The following NAALADL2 variants were observed in gnomAD, a reference collection of about 807,000 sequenced individuals.
NAALADL2 encodes the protein inactive N-acetylated-alpha-linked acidic dipeptidase-like protein 2.
In NAALADL2, 76 loss-of-function variants were observed where a neutral mutation model predicts 87.2. The observed-to-expected ratio is 0.87, with a 90% CI of 0.72 to 1.05. The LOEUF is 1.05. NAALADL2 is among the 50% of genes least tolerant of loss of function. The pLI, the probability that NAALADL2 is intolerant of heterozygous loss-of-function variation, is 0.00. For synonymous variants in NAALADL2, 354 were observed against 331.0 expected (o/e 1.07, Z -0.75); for missense variants, 1,089 against 945.8 (o/e 1.15, Z -1.99).
At chr3:174,663,541 G>A (rs1341399270) in intron 2 of NAALADL2, among the ~76,000 whole-genome samples, 1 of 152,056 alleles carries the variant, frequency 6.6e-6, no homozygotes, top group Non-Finnish European at 1.5e-5. Context: ...GCAAGACAGA[G>A]GGGAGAGAGG....
At chr3:175,476,352 A>G (rs1045667658) in intron 9 of NAALADL2, among the ~76,000 whole-genome samples, 3 of 152,100 alleles carry the variant, frequency 2.0e-5, no homozygotes, top group Admixed American at 6.6e-5. Context: ...GTTGCCCAGG[A>G]GCTTATAATT....
In NAALADL2 at chr3:174,987,345, G is replaced by A. The variant is rs551354901; in HGVS notation, c.44-109445G>A. ...AGCACTTTGGGAGGCCGAGGCGGGC[G>A]GATCACGAGGTCAGGAGATCGAGAC... On this transcript the variant is annotated intron_variant, in intron 1 of 13. Coordinates refer to ENST00000454872, the MANE Select transcript of NAALADL2 (RefSeq NM_207015.3). Among the ~76,000 whole-genome samples the A allele has an allele frequency of 5.3e-4, 80 of 151,474 alleles. 1 individual carries two copies. In the Middle Eastern group the frequency reaches 0.031, roughly 58 times the overall value.
intron 9 of NAALADL2, among the ~76,000 whole-genome samples, chr3:175,519,840 A>G (rs1732379968): frequency 6.6e-6 from 1 of 152,210 alleles, no homozygotes; most frequent in African/African-American, 2.4e-5. Context: ...TTACATTCAT[A>G]TCTTTTCTAT....
At chr3:174,738,100 T>A (rs776506779) in intron 3 of NAALADL2, among the ~76,000 whole-genome samples, 18 of 152,210 alleles carry the variant, frequency 1.2e-4, no homozygotes, top group Non-Finnish European at 2.5e-4. Flanking sequence ...AGCCTAGTGA[T>A]TTTTATTGAA....
Position 175,748,390 on chromosome 3 carries a change from A to G in NAALADL2, c.1991-6830A>G, listed in dbSNP as rs1746197918. Reference sequence around the variant, plus strand: ...TTTTATTTTCTTTAGTGATACCACAAGGTGTTTTTAAGATGACATTAGGTA... The same window carrying G: ...TTTTATTTTCTTTAGTGATACCACAGGGTGTTTTTAAGATGACATTAGGTA... On this transcript the variant is annotated intron_variant, in intron 12 of 13. Transcript: ENST00000454872. Among the ~76,000 whole-genome samples, 4 of 152,230 alleles carry G rather than the reference A, an allele frequency of 2.6e-5. No homozygotes were observed. In the South Asian group the frequency reaches 6.2e-4, roughly 24 times the overall value.
At chr3:174,534,175 T>C (rs933676758) in intron 1 of NAALADL2, among the ~76,000 whole-genome samples, 1 of 152,184 alleles carries the variant, frequency 6.6e-6, no homozygotes, top group African/African-American at 2.4e-5. Flanking sequence ...CTACACAATA[T>C]TTCTTAGTAA....
intron 2 of NAALADL2, among the ~76,000 whole-genome samples, chr3:174,596,680 T>C (rs1553795025): frequency 6.6e-6 from 1 of 152,244 alleles, no homozygotes; most frequent in Non-Finnish European, 1.5e-5. Flanking sequence ...TGGTCTGTAA[T>C]TTAACTCTTC....
intron 5 of NAALADL2, among the ~76,000 whole-genome samples, chr3:175,338,505 C>T (rs568572617): frequency 3.4e-5 from 5 of 147,340 alleles, no homozygotes; most frequent in African/African-American, 1.2e-4. Flanking sequence ...AATTATTAAA[C>T]ATTTATCAGG....
chr3:175,743,189 TG>T (rs1745481318), intron 12 of NAALADL2, among the ~76,000 whole-genome samples: 1 of 152,052 alleles, frequency 6.6e-6, no homozygotes, highest in Admixed American at 6.5e-5. Context: ...TTAGTAGAGA[TG>T]GGGTTTCACC....
intron 2 of NAALADL2, among the ~76,000 whole-genome samples, chr3:174,569,001 A>G (rs1714613944): frequency 6.6e-6 from 1 of 151,670 alleles, no homozygotes; most frequent in African/African-American, 2.4e-5. Flanking sequence ...AATGCATGCT[A>G]TACCTTCTCA....
At chr3:175,089,975 T>C (rs1023340877) in intron 1 of NAALADL2, among the ~76,000 whole-genome samples, 1 of 152,152 alleles carries the variant, frequency 6.6e-6, no homozygotes, top group African/African-American at 2.4e-5. Context: ...TTTTTTATTT[T>C]GTAGGTTTGT....
chr3:175,527,642 G>A (rs1668283110), intron 9 of NAALADL2, among the ~76,000 whole-genome samples: 3 of 152,162 alleles, frequency 2.0e-5, no homozygotes, highest in Admixed American at 6.6e-5. Context: ...TATGTACTGA[G>A]TTGAGTGCCA....
intron 9 of NAALADL2, among the ~76,000 whole-genome samples, chr3:175,508,905 C>A (rs1195687153): frequency 6.6e-6 from 1 of 152,004 alleles, no homozygotes; most frequent in African/African-American, 2.4e-5. Flanking sequence ...CACCCGAGGT[C>A]AGGAGTTCAA....
chr3:174,826,518 A>G (rs1024750005), intron 3 of NAALADL2, among the ~76,000 whole-genome samples: 1 of 152,236 alleles, frequency 6.6e-6, no homozygotes, highest in Non-Finnish European at 1.5e-5. Flanking sequence ...CTGGTACATA[A>G]TAAGTAATCA....
chr3:175,684,285 C>G (rs1204742868), intron 11 of NAALADL2, among the ~76,000 whole-genome samples: 2 of 152,004 alleles, frequency 1.3e-5, no homozygotes, highest in Admixed American at 6.6e-5. Flanking sequence ...ATGTCAGTAT[C>G]AAGTTACATC....
Position 174,707,036 on chromosome 3 carries a change from A to C in NAALADL2, c.-114-30605A>C, listed in dbSNP as rs1418602958. 3.3e-5 allele frequency among the ~76,000 whole-genome samples: 5 copies of C among 152,328 alleles called. No individual in the cohort carries two copies. The East Asian group carries it at 9.7e-4, about 29-fold the overall frequency. ...AGACATTTATGCAGCCAACAGACAC[A>C]TGAAAAAATGCTCATCATCACTGGC... On this transcript the variant is annotated intron_variant, in intron 2 of 3. Coordinates refer to the NAALADL2 transcript ENST00000434257.
chr3:174,664,114 G>A (rs1725752930), intron 2 of NAALADL2, among the ~76,000 whole-genome samples: 1 of 152,036 alleles, frequency 6.6e-6, no homozygotes, highest in Non-Finnish European at 1.5e-5. Context: ...TTGGCCAACT[G>A]CAATTCTGCC....
intron 2 of NAALADL2, among the ~76,000 whole-genome samples, chr3:174,671,929 G>GTGATGA (rs57931413): frequency 0.12 from 18,099 of 150,314 alleles, 1,652 homozygotes; most frequent in East Asian, 0.46. Flanking sequence ...GTTAACTACT[G>GTGATGA]TGATGATGAT....
intron 2 of NAALADL2, among the ~76,000 whole-genome samples, chr3:175,127,128 G>A (rs756930527): frequency 9.2e-5 from 14 of 151,972 alleles, no homozygotes; most frequent in South Asian, 8.3e-4. Flanking sequence ...CTGGGACACC[G>A]TTCACAGGAG....
Sources: allele counts gnomAD v4.1 joint callset (sites outside exome capture counted in the v4.1 genomes callset), GRCh38; gene constraint gnomAD v4.1.1; transcripts MANE v1.5; gene names NCBI Gene and HGNC (gene_info 2026-07-23, HGNC 2026-07-21).